The following UGT1A8 variants were observed in gnomAD, a reference collection of about 807,000 sequenced individuals.
UGT1A8 encodes the protein UDP-glucuronosyltransferase 1A8.
UGT1A8 carries 39 observed loss-of-function variants against 45.3 expected under a neutral mutation model. The observed-to-expected ratio is 0.86, with a 90% CI of 0.67 to 1.12. UGT1A8 has a LOEUF of 1.12. UGT1A8 is among the 50% of genes most tolerant of loss of function. The probability of loss-of-function intolerance (pLI) is 0.00; values close to 1 mark genes in which losing one functional copy is unlikely to be tolerated. For synonymous variants in UGT1A8, 275 were observed against 249.2 expected, an observed-to-expected ratio of 1.10 and a Z score of -0.97; for missense variants, 719 against 664.9, an observed-to-expected ratio of 1.08 and a Z score of -0.90.
intron 1 of UGT1A8, chr2:233,729,609 G>C: frequency 6.2e-7 from 1 of 1,613,988 alleles, no homozygotes. Flanking sequence ...CGGCAGTGCT[G>C]GCTAAGTACC....
chr2:233,701,069 A>G (rs1052712188), intron 1 of UGT1A8, among the ~76,000 whole-genome samples: 4 of 152,144 alleles, frequency 2.6e-5, no homozygotes, highest in African/African-American at 9.7e-5. Flanking sequence ...TTATGGCTGC[A>G]TAGTATTCCA....
intron 1 of UGT1A8, among the ~76,000 whole-genome samples, chr2:233,762,607 TTTG>T (rs1336079545): frequency 6.6e-6 from 1 of 152,220 alleles, no homozygotes; most frequent in Non-Finnish European, 1.5e-5. Flanking sequence ...TTCCAGGAGT[TTTG>T]TTGTTGTGAC....
intron 1 of UGT1A8, among the ~76,000 whole-genome samples, chr2:233,727,385 C>T (rs892403095): frequency 5.3e-5 from 8 of 152,128 alleles, no homozygotes; most frequent in African/African-American, 9.7e-5. Context: ...GGAGTACCAC[C>T]GTCTTCCAAG....
chr2:233,721,895 C>T lies in UGT1A8; in HGVS notation c.856-45139C>T, dbSNP rs564941516. On this transcript the variant is annotated intron_variant, in intron 1 of 4. Transcript: ENST00000373450. ...CTTGCCAGCCCCTCCATTGCAATAT[C>T]GAAATGGTGCACACTGCTTCCATAA... 5.1e-5 allele frequency: 24 copies of T among 474,852 alleles called. 1 individual carries two copies. Among genetic ancestry groups the T allele is most frequent in the Non-Finnish European group, 8.4e-5 (20 of 237,474 alleles). The allele number at this position is 474,852 out of a possible 1,614,324, so 29.4% of individuals were successfully genotyped here.
chr2:233,740,036 G>C (rs901292924), intron 1 of UGT1A8, among the ~76,000 whole-genome samples: 3 of 151,764 alleles, frequency 2.0e-5, no homozygotes, highest in Admixed American at 2.0e-4. Context: ...GGTTTTATAA[G>C]GGACTCTTTC....
At chr2:233,621,339 C>T (rs2073002572) in intron 1 of UGT1A8, among the ~76,000 whole-genome samples, 1 of 152,108 alleles carries the variant, frequency 6.6e-6, no homozygotes, top group Non-Finnish European at 1.5e-5. Context: ...TTGGTGAGTT[C>T]CAACAGAATT....
chr2:233,717,138 C>T (rs1487946480), intron 1 of UGT1A8, among the ~76,000 whole-genome samples: 1 of 152,228 alleles, frequency 6.6e-6, no homozygotes, highest in Non-Finnish European at 1.5e-5. Context: ...AACACCACTA[C>T]ATGGAAATAG....
chr2:233,701,219 C>T (rs2075617264), intron 1 of UGT1A8, among the ~76,000 whole-genome samples: 1 of 152,076 alleles, frequency 6.6e-6, no homozygotes, highest in Non-Finnish European at 1.5e-5. Flanking sequence ...ATTTATAATC[C>T]TTTGGGTATA....
rs144721642 is a variant in UGT1A8, at chr2:233,760,960, G to A, written c.856-6074G>A. 13 of 1,614,166 alleles carry A rather than the reference G, an allele frequency of 8.1e-6. No homozygotes were observed. Among genetic ancestry groups the A allele is most frequent in the African/African-American group, 5.3e-5 (4 of 75,032 alleles). On this transcript the variant is annotated intron_variant, in intron 1 of 4. Coordinates refer to ENST00000373450, the MANE Select transcript of UGT1A8 (RefSeq NM_019076.5). The stretch of plus-strand genomic sequence containing the variant: ...CTTTTCACAGAACTTTCTGTGCGAC[G>A]TGGTTTATTCCCCGTATGCAACCCT...
In UGT1A8 at chr2:233,761,113, G is replaced by C. The variant is rs72551345; in HGVS notation, c.856-5921G>C. 5.6e-6 allele frequency: 9 copies of C among 1,614,106 alleles called. No homozygotes were observed. In the South Asian group the frequency reaches 9.9e-5, roughly 18 times the overall value. ...CATCATGCCCAATATGGTTTTTGTT[G>C]GTGGAATCAACTGCCTTCACCAAAA... On this transcript the variant is annotated intron_variant, in intron 1 of 4. Coordinates refer to ENST00000373450, the MANE Select transcript of UGT1A8 (RefSeq NM_019076.5).
At chr2:233,724,310 G>T (rs1212736933) in intron 1 of UGT1A8, among the ~76,000 whole-genome samples, 1 of 141,024 alleles carries the variant, frequency 7.1e-6, no homozygotes, top group African/African-American at 2.6e-5. Flanking sequence ...CCTCCCTCCC[G>T]GACGGGGCGG....
intron 1 of UGT1A8, chr2:233,741,484 T>C (rs1691677758): frequency 6.6e-6 from 1 of 151,932 alleles, no homozygotes. Flanking sequence ...CCTCGTCTGA[T>C]GTACAAAAAA....
At chr2:233,662,536 T>C (rs2073997143) in intron 1 of UGT1A8, among the ~76,000 whole-genome samples, 1 of 152,238 alleles carries the variant, frequency 6.6e-6, no homozygotes, top group African/African-American at 2.4e-5. Context: ...GAGGTTGTTG[T>C]AGAGTTTGTT....
At chr2:233,625,594 T>A (rs1457897176) in intron 1 of UGT1A8, among the ~76,000 whole-genome samples, 1 of 151,770 alleles carries the variant, frequency 6.6e-6, no homozygotes, top group Non-Finnish European at 1.5e-5. Context: ...ATATACACCA[T>A]GGAATATGCA....
chr2:233,708,617 A>T (rs1206413155), intron 1 of UGT1A8: 2 of 152,068 alleles, frequency 1.3e-5, no homozygotes, highest in African/African-American at 4.8e-5. Flanking sequence ...TGGACATGGT[A>T]GCGTGTGCCT....
chr2:233,706,094 TA>T (rs141668784), intron 1 of UGT1A8, among the ~76,000 whole-genome samples: 1 of 151,444 alleles, frequency 6.6e-6, no homozygotes, highest in Middle Eastern at 3.4e-3. Flanking sequence ...GATTCTGTCT[TA>T]AAAAAAAACC....
At chr2:233,663,606 A>G (rs532721890) in intron 1 of UGT1A8, among the ~76,000 whole-genome samples, 53 of 152,280 alleles carry the variant, frequency 3.5e-4, no homozygotes, top group African/African-American at 1.2e-3. Flanking sequence ...CATAATTTCT[A>G]ATCTTGTGGC....
Position 233,769,856 on chromosome 2 carries a change from TCAA to T in UGT1A8, c.1295+1418_1295+1420del. Reference sequence around the variant, plus strand: ...CTGGGCAACAGAGTGAGACCCTGTCTCAAAAAAAAAAAAAAAAATGAAAAGTCC... The same window carrying T: ...CTGGGCAACAGAGTGAGACCCTGTCTAAAAAAAAAAAAAAATGAAAAGTCC... On this transcript the variant is annotated intron_variant, in intron 4 of 4. Coordinates refer to ENST00000373450, the MANE Select transcript of UGT1A8 (RefSeq NM_019076.5). The surrounding 1 kb of genome is among the most constrained non-coding windows in gnomAD (Gnocchi z 4.4). 3.1e-6 allele frequency: 1 copy of T among 322,450 alleles called. No homozygotes were observed. Among genetic ancestry groups the T allele is most frequent in the Non-Finnish European group, 5.0e-6 (1 of 199,356 alleles). The allele number at this position is 322,450 out of a possible 1,614,324, so 20.0% of individuals were successfully genotyped here.
chr2:233,619,304 C>G (rs2072957246), intron 1 of UGT1A8, among the ~76,000 whole-genome samples: 1 of 152,104 alleles, frequency 6.6e-6, no homozygotes, highest in African/African-American at 2.4e-5. Flanking sequence ...AAAGTCTTTA[C>G]TTTGGATGCT....
Sources: allele counts gnomAD v4.1 joint callset (sites outside exome capture counted in the v4.1 genomes callset), GRCh38; gene constraint gnomAD v4.1.1; non-coding constraint Gnocchi (gnomAD v3.1); transcripts MANE v1.5; gene names NCBI Gene and HGNC (gene_info 2026-07-23, HGNC 2026-07-21).